The following TRAF3IP2 variants were observed in gnomAD, a reference collection of about 807,000 sequenced individuals.
TRAF3IP2 encodes the protein TRAF3 interacting protein 2, also known as E3 ubiquitin ligase TRAF3IP2.
TRAF3IP2 carries 35 observed loss-of-function variants against 57.9 expected under a neutral mutation model. That is an observed-to-expected ratio of 0.60 (90% confidence interval 0.46 to 0.80). The LOEUF is 0.80. TRAF3IP2 is among the 30% of genes least tolerant of loss of function. TRAF3IP2 has a pLI of 0.00. For missense variants in TRAF3IP2, 556 were observed against 706.4 expected (o/e 0.79, Z 2.41); for synonymous variants, 251 against 268.9 (o/e 0.93, Z 0.65).
intron 1 of TRAF3IP2, chr6:111,600,593 G>A (rs1473155076): frequency 1.3e-5 from 2 of 152,138 alleles, no homozygotes; most frequent in African/African-American, 2.4e-5. Context: ...TAAGCCTTAT[G>A]GGCCACATGC....
chr6:111,570,825 C>T (rs1375486904), intron 5 of TRAF3IP2, among the ~76,000 whole-genome samples: 1 of 152,306 alleles, frequency 6.6e-6, no homozygotes, highest in South Asian at 2.1e-4. Context: ...CTCTGCCTCC[C>T]AAGTAGCTGG....
intron 4 of TRAF3IP2, among the ~76,000 whole-genome samples, chr6:111,575,047 C>T (rs1795937268): frequency 6.6e-6 from 1 of 151,890 alleles, no homozygotes; most frequent in South Asian, 2.1e-4. Context: ...CATGGCAAAA[C>T]CCCGTCTCTA....
chr6:111,560,807 C>T (rs756466088), intron 8 of TRAF3IP2, among the ~76,000 whole-genome samples: 6 of 152,170 alleles, frequency 3.9e-5, no homozygotes, highest in Non-Finnish European at 7.4e-5. Context: ...GTACCCTCAA[C>T]CCAAACACAT....
intron 5 of TRAF3IP2, among the ~76,000 whole-genome samples, chr6:111,569,828 G>A (rs1248838045): frequency 6.6e-6 from 1 of 152,176 alleles, no homozygotes; most frequent in Non-Finnish European, 1.5e-5. Flanking sequence ...CCCAGCTACT[G>A]TAGTGGACAT....
intron 1 of TRAF3IP2, chr6:111,594,382 T>C: frequency 3.0e-6 from 1 of 328,008 alleles, no homozygotes; most frequent in South Asian, 2.4e-5. Flanking sequence ...TTTATTGCCA[T>C]GGGATTTGCT....
At position 111,559,313 on chromosome 6, in the gene TRAF3IP2, G is replaced by T; in HGVS notation, c.*92C>A. 2.6e-6 allele frequency: 4 copies of T among 1,519,776 alleles called. No individual in the cohort carries two copies. The highest frequency in any genetic ancestry group is 4.2e-5 in the Admixed American group (2 of 47,172). 94.1% of individuals were successfully genotyped at this position (1,519,776 alleles called of 1,614,324 possible). On this transcript the variant is annotated 3_prime_UTR_variant, in exon 9 of 9. Coordinates refer to ENST00000368761, the MANE Select transcript of TRAF3IP2 (RefSeq NM_147686.4). ...CTCGGGGAGGAACAGAAAAAAACCA[G>T]CCAGGAGTGCTACCGACCAGCCTCA...
chr6:111,567,946 A>G (rs1025838458), intron 5 of TRAF3IP2, among the ~76,000 whole-genome samples: 5 of 152,246 alleles, frequency 3.3e-5, no homozygotes, highest in Non-Finnish European at 7.3e-5. Flanking sequence ...AAATATATCT[A>G]TGGCTACACA....
chr6:111,586,725 G>A (rs1796349066), intron 2 of TRAF3IP2, among the ~76,000 whole-genome samples: 2 of 152,074 alleles, frequency 1.3e-5, no homozygotes, highest in South Asian at 4.1e-4. Context: ...CATCCCTTAG[G>A]TGAACAGCTC....
At chr6:111,595,763 G>T (rs905130799) in intron 1 of TRAF3IP2, among the ~76,000 whole-genome samples, 3 of 151,764 alleles carry the variant, frequency 2.0e-5, no homozygotes, top group African/African-American at 7.3e-5. Context: ...GGGAGGCGGA[G>T]GTTGCGGTGA....
intron 4 of TRAF3IP2, among the ~76,000 whole-genome samples, chr6:111,575,256 G>A (rs542973066): frequency 1.3e-5 from 2 of 151,870 alleles, no homozygotes; most frequent in Non-Finnish European, 2.9e-5. Context: ...GATTAGGGAC[G>A]AGTGATCATC....
chr6:111,581,988 A>G (rs1796179833), intron 2 of TRAF3IP2, among the ~76,000 whole-genome samples: 1 of 152,230 alleles, frequency 6.6e-6, no homozygotes, highest in South Asian at 2.1e-4. Flanking sequence ...AAAAACAAAA[A>G]AAAGAACTGT....
intron 1 of TRAF3IP2, among the ~76,000 whole-genome samples, chr6:111,596,776 T>C (rs1049595019): frequency 3.9e-5 from 6 of 151,948 alleles, no homozygotes; most frequent in Non-Finnish European, 7.4e-5. Flanking sequence ...TTTAAAATTT[T>C]TTTGTAGAGA....
chr6:111,577,716 GT>G (rs1033969839), intron 3 of TRAF3IP2, among the ~76,000 whole-genome samples: 249 of 150,684 alleles, frequency 1.7e-3, no homozygotes, highest in African/African-American at 5.8e-3. Flanking sequence ...TGTTTTGTTT[GT>G]TTTTTAGTTT....
At chr6:111,581,167 C>T (rs1796152050) in intron 2 of TRAF3IP2, among the ~76,000 whole-genome samples, 1 of 152,192 alleles carries the variant, frequency 6.6e-6, no homozygotes, top group Non-Finnish European at 1.5e-5. Context: ...ATAGGAGAGA[C>T]CTAATGCTTA....
intron 1 of TRAF3IP2, among the ~76,000 whole-genome samples, chr6:111,604,684 C>T (rs1053808341): frequency 3.9e-5 from 6 of 152,162 alleles, no homozygotes; most frequent in Non-Finnish European, 8.8e-5. Flanking sequence ...AAACAGAAAT[C>T]AAAGCAGTTG....
At chr6:111,582,191 A>T (rs9398274) in intron 2 of TRAF3IP2, among the ~76,000 whole-genome samples, 42,035 of 151,982 alleles carry the variant, frequency 0.28, 6,654 homozygotes, top group East Asian at 0.43. Context: ...TAGTCTCTCA[A>T]GTGTGGTCAG....
At chr6:111,567,531 G>A (rs771448112) in intron 6 of TRAF3IP2, 93 bp downstream of exon 6, 3 of 1,408,414 alleles carry the variant, frequency 2.1e-6, no homozygotes, top group African/African-American at 1.4e-5. Flanking sequence ...TCAGACTTAG[G>A]TGGGTATGCC....
chr6:111,594,153 C>T (rs981336910), intron 1 of TRAF3IP2, among the ~76,000 whole-genome samples: 6 of 113,964 alleles, frequency 5.3e-5, no homozygotes, highest in Admixed American at 1.9e-4. Context: ...AAAATGCTCA[C>T]CATTTTTTCC....
Position 111,575,798 on chromosome 6 carries a change from GGTGGCTGGTGAT to G in TRAF3IP2, c.1034_1045del (p.His345_Pro348del), listed in dbSNP as rs1428644974. 3 of 1,609,852 alleles carry G rather than the reference GGTGGCTGGTGAT, an allele frequency of 1.9e-6. No individual in the cohort carries two copies. Among genetic ancestry groups the G allele is most frequent in the Non-Finnish European group, 2.5e-6 (3 of 1,178,734 alleles). On this transcript the variant is annotated inframe_deletion, in exon 4 of 9. Coordinates refer to ENST00000368761, the MANE Select transcript of TRAF3IP2 (RefSeq NM_147686.4). ...CTCCCCAGGAGCACCAGCTCTATTA[GGTGGCTGGTGAT>G]GTGGCTGGTCCCTAGAAAGGAATAC...
Sources: allele counts gnomAD v4.1 joint callset (sites outside exome capture counted in the v4.1 genomes callset), GRCh38; gene constraint gnomAD v4.1.1; transcripts MANE v1.5; gene names NCBI Gene and HGNC (gene_info 2026-07-23, HGNC 2026-07-21).